Variants in ITGB5 observed in about 807,000 individuals in gnomAD.
The protein encoded by ITGB5 is integrin subunit beta 5.
Under a neutral mutation model 84.8 loss-of-function variants are expected in ITGB5, and 38 were observed. The ratio of observed to expected loss-of-function variants is 0.45; its 90% confidence interval spans 0.35 to 0.59. ITGB5 has a LOEUF of 0.59. ITGB5 is among the 20% of genes least tolerant of loss of function. ITGB5 has a pLI of 0.01. For missense variants in ITGB5, 905 were observed against 1,034.5 expected (o/e 0.87, Z 1.72); for synonymous variants, 393 against 414.4 (o/e 0.95, Z 0.63).
At chr3:124,867,753 T>C (rs1049142682) in intron 2 of ITGB5, among the ~76,000 whole-genome samples, 1 of 152,192 alleles carries the variant, frequency 6.6e-6, no homozygotes, top group Non-Finnish European at 1.5e-5. Flanking sequence ...CCAGGCACAT[T>C]CCTCATGACA....
chr3:124,828,785 A>G (rs889812879), intron 5 of ITGB5, among the ~76,000 whole-genome samples: 1 of 152,186 alleles, frequency 6.6e-6, no homozygotes, highest in Non-Finnish European at 1.5e-5. Context: ...ACTGGGCCCA[A>G]ATACTTTTTT....
chr3:124,873,615 C>A, intron 1 of ITGB5, 84 bp from the exon 2 acceptor site: 1 of 1,030,690 alleles, frequency 9.7e-7, no homozygotes, highest in Non-Finnish European at 1.5e-6. Context: ...GAATTACATC[C>A]TTCTTTAACA....
At chr3:124,789,140 C>A (rs972574633) in intron 10 of ITGB5, among the ~76,000 whole-genome samples, 2 of 152,250 alleles carry the variant, frequency 1.3e-5, no homozygotes, top group Non-Finnish European at 2.9e-5. Flanking sequence ...GACAGAGATA[C>A]AGCAGCAACC....
intron 1 of ITGB5, among the ~76,000 whole-genome samples, chr3:124,885,162 T>C (rs1168982813): frequency 1.3e-5 from 2 of 151,892 alleles, no homozygotes; most frequent in African/African-American, 4.8e-5. Context: ...CATTGCTACT[T>C]GGGAGGCTAA....
In ITGB5 at chr3:124,827,810, G is replaced by A. The variant is rs546322765; in HGVS notation, c.781-6336C>T. ...TTCCACCACAAAAGTGAAAATGGCC[G>A]GTCCCTGCCTTAACTGATGACATTA... On this transcript the variant is annotated intron_variant, in intron 5 of 14. Transcript: ENST00000296181. 6.6e-5 allele frequency among the ~76,000 whole-genome samples: 10 copies of A among 152,160 alleles called. No homozygotes were observed. In the East Asian group the frequency reaches 1.3e-3, roughly 21 times the overall value.
At chr3:124,832,190 T>TA (rs34441446) in intron 5 of ITGB5, among the ~76,000 whole-genome samples, 62,309 of 151,998 alleles carry the variant, frequency 0.41, 13,201 homozygotes, top group East Asian at 0.7. Context: ...GTCATGTGGG[T>TA]AATTGTGATG....
chr3:124,877,137 A>ATTT (rs34843039), intron 1 of ITGB5, among the ~76,000 whole-genome samples: 4,199 of 126,686 alleles, frequency 0.033, 178 homozygotes, highest in East Asian at 0.11. Flanking sequence ...CACCTGGCTA[A>ATTT]TTTTTTTTTT....
At chr3:124,841,274 G>A (rs1198316367) in intron 5 of ITGB5, 109 bp downstream of exon 5, 3 of 1,040,818 alleles carry the variant, frequency 2.9e-6, no homozygotes, top group East Asian at 5.0e-5. Context: ...AGAGTGGTCA[G>A]GAGCCACATG....
intron 2 of ITGB5, among the ~76,000 whole-genome samples, chr3:124,861,507 C>T (rs1435508704): frequency 7.0e-6 from 1 of 143,832 alleles, no homozygotes; most frequent in Admixed American, 6.9e-5. Flanking sequence ...CACACACACA[C>T]ACACACACAC....
chr3:124,786,159 C>G (rs1162806045), intron 10 of ITGB5, among the ~76,000 whole-genome samples: 3 of 152,240 alleles, frequency 2.0e-5, no homozygotes. Flanking sequence ...CCAGTTAGGG[C>G]TTGCTCATGA....
chr3:124,823,685 AT>A (rs1309026676), intron 5 of ITGB5, among the ~76,000 whole-genome samples: 19 of 150,794 alleles, frequency 1.3e-4, no homozygotes, highest in African/African-American at 4.6e-4. Flanking sequence ...TGATGTGTAC[AT>A]TTTGATAAAG....
intron 5 of ITGB5, among the ~76,000 whole-genome samples, chr3:124,822,893 A>AGAG (rs1256089109): frequency 2.6e-5 from 4 of 152,176 alleles, no homozygotes; most frequent in Non-Finnish European, 4.4e-5. Context: ...GAAGCCAGGG[A>AGAG]GAGGAGGAGG....
chr3:124,865,481 CTTT>C (rs59446328), intron 2 of ITGB5, among the ~76,000 whole-genome samples: 39 of 93,288 alleles, frequency 4.2e-4, no homozygotes, highest in East Asian at 1.4e-3. Flanking sequence ...CGGCTTTTTT[CTTT>C]TTTTTTTTTT....
intron 13 of ITGB5, among the ~76,000 whole-genome samples, chr3:124,765,216 C>A (rs140277079): frequency 6.6e-6 from 1 of 152,138 alleles, no homozygotes; most frequent in African/African-American, 2.4e-5. Flanking sequence ...CTCCCTACCC[C>A]CAAGAAGAAT....
intron 5 of ITGB5, among the ~76,000 whole-genome samples, chr3:124,830,604 G>T (rs2064846428): frequency 1.3e-5 from 2 of 152,190 alleles, no homozygotes; most frequent in Admixed American, 1.3e-4. Flanking sequence ...TCCAGTGCAG[G>T]GATCTTTCCT....
In ITGB5 at chr3:124,806,659, G is replaced by C. The variant is rs571629366; in HGVS notation, c.1263+2363C>G. 2.0e-4 allele frequency among the ~76,000 whole-genome samples: 31 copies of C among 151,692 alleles called. No homozygotes were observed. The East Asian group carries it at 3.3e-3, about 16-fold the overall frequency. On this transcript the variant is annotated intron_variant, in intron 9 of 14. Coordinates refer to ENST00000296181, the MANE Select transcript of ITGB5 (RefSeq NM_002213.5). ...TCACCGTGTTAGCCAGGATGGTCTC[G>C]ATCTCCTAACTTCATGATCCACCCG...
intron 12 of ITGB5, 42 bp downstream of exon 12, chr3:124,768,971 G>C: frequency 6.6e-7 from 1 of 1,508,096 alleles, no homozygotes; most frequent in Non-Finnish European, 9.2e-7. Context: ...TCCCCAGGAA[G>C]GAGAAAAACC....
intron 2 of ITGB5, among the ~76,000 whole-genome samples, chr3:124,868,693 C>T (rs1320204762): frequency 2.7e-5 from 4 of 150,112 alleles, no homozygotes; most frequent in Admixed American, 6.6e-5. Flanking sequence ...CCCAGCTACT[C>T]GGGAGGCTAA....
Position 124,849,547 on chromosome 3 carries a change from T to C in ITGB5, c.362-989A>G, listed in dbSNP as rs550629714. Among the ~76,000 whole-genome samples the C allele has an allele frequency of 7.2e-5, 11 of 152,244 alleles. No homozygotes were observed. In the South Asian group the frequency reaches 2.3e-3, roughly 32 times the overall value. On this transcript the variant is annotated intron_variant, in intron 3 of 14. Coordinates refer to ENST00000296181, the MANE Select transcript of ITGB5 (RefSeq NM_002213.5). Reference sequence around the variant, plus strand: ...GGCACAACTCATTATCATTGGAAACTACATATATAAATACAGGAAGACAGA... The same window carrying C: ...GGCACAACTCATTATCATTGGAAACCACATATATAAATACAGGAAGACAGA...
Sources: gnomAD v4.1 joint callset for allele counts (sites outside exome capture counted in the v4.1 genomes callset) on GRCh38, gnomAD v4.1.1 for gene constraint, MANE v1.5 for transcripts, NCBI Gene and HGNC (gene_info 2026-07-23, HGNC 2026-07-21) for gene names.